Variants in MYH16 observed in about 807,000 individuals in gnomAD.
MYH16 encodes the protein myosin heavy chain 16.
Position 99,272,818 on chromosome 7 carries a change from T to G in MYH16, n.2404-524T>G, listed in dbSNP as rs570787333. Reference sequence around the variant, plus strand: ...TATTTCTTTGTGGTCATAGAATTAGTAATGAATTCCTGTTCCCATCAGCAG... The same window carrying G: ...TATTTCTTTGTGGTCATAGAATTAGGAATGAATTCCTGTTCCCATCAGCAG... On this transcript the variant is annotated intron_variant and non_coding_transcript_variant, in intron 19 of 41. Transcript: ENST00000439784. 2.6e-5 allele frequency among the ~76,000 whole-genome samples: 4 copies of G among 151,830 alleles called. No individual in the cohort carries two copies. The East Asian group carries it at 7.7e-4, about 29-fold the overall frequency.
chr7:99,283,779 C>T (rs1343626471), intron 24 of MYH16, 94 bp from the exon 7 acceptor site: 4 of 430,862 alleles, frequency 9.3e-6, no homozygotes, highest in African/African-American at 2.0e-5. Context: ...CTTCTGATGC[C>T]ACAGCTAAAG....
intron 37 of MYH16, among the ~76,000 whole-genome samples, chr7:99,299,927 T>TTTTATTTATTTATTTA (rs61663432): frequency 1.2e-4 from 17 of 138,232 alleles, no homozygotes; most frequent in South Asian, 2.3e-4. Context: ...TTTTATTTTA[T>TTTTATTTATTTATTTA]TTTATTTATT....
chr7:99,302,658 A>G (rs1006567121), intron 38 of MYH16, among the ~76,000 whole-genome samples: 16 of 152,034 alleles, frequency 1.1e-4, no homozygotes, highest in Admixed American at 1.0e-3. Flanking sequence ...AGGTGGGAGG[A>G]CTGCTTGAGG....
chr7:99,239,734 C>G (rs745702598), intron 1 of MYH16, among the ~76,000 whole-genome samples: 2 of 152,196 alleles, frequency 1.3e-5, no homozygotes, highest in Non-Finnish European at 2.9e-5. Flanking sequence ...AGCTTGCTAT[C>G]AGCCGTGATG....
chr7:99,300,324 A>T (rs1792572694), intron 37 of MYH16, among the ~76,000 whole-genome samples: 1 of 152,194 alleles, frequency 6.6e-6, no homozygotes, highest in Non-Finnish European at 1.5e-5. Flanking sequence ...AGAAATGAAG[A>T]ACACAACAAA....
At chr7:99,281,375 G>A (rs1792196641) in intron 23 of MYH16, among the ~76,000 whole-genome samples, 1 of 151,458 alleles carries the variant, frequency 6.6e-6, no homozygotes, top group Admixed American at 6.6e-5. Context: ...CGGGCAACAT[G>A]GCAAAACTCC....
At chr7:99,304,998 C>T (rs1223670013) in intron 40 of MYH16, among the ~76,000 whole-genome samples, 1 of 151,814 alleles carries the variant, frequency 6.6e-6, no homozygotes, top group Non-Finnish European at 1.5e-5. Context: ...CCAGCCGGGG[C>T]AACATAGTGA....
At chr7:99,251,242 C>A (rs1791805891) in intron 6 of MYH16, 3 of 175,750 alleles carry the variant, frequency 1.7e-5, no homozygotes, top group Admixed American at 5.9e-5. Context: ...GGGTCACGAC[C>A]CCGCCCCAGG....
At chr7:99,247,327 C>A (rs1371539830) in intron 2 of MYH16, among the ~76,000 whole-genome samples, 1 of 152,194 alleles carries the variant, frequency 6.6e-6, no homozygotes, top group Non-Finnish European at 1.5e-5. Flanking sequence ...CGTGCACCAC[C>A]ACGCCCAGCT....
chr7:99,302,603 A>G (rs1162982532), intron 38 of MYH16, among the ~76,000 whole-genome samples: 1 of 152,042 alleles, frequency 6.6e-6, no homozygotes, highest in Non-Finnish European at 1.5e-5. Context: ...AATCCTGGCC[A>G]GGCACAGTGG....
chr7:99,273,575 C>T (rs1489268756), intron 20 of MYH16, among the ~76,000 whole-genome samples, 152 bp downstream of exon 2: 1 of 152,080 alleles, frequency 6.6e-6, no homozygotes, highest in African/African-American at 2.4e-5. Flanking sequence ...TAGCCTCTGT[C>T]CAGACAGGGA....
At chr7:99,272,639 T>C (rs1792061269) in intron 19 of MYH16, among the ~76,000 whole-genome samples, 200 bp from the exon 1 acceptor site, 1 of 151,828 alleles carries the variant, frequency 6.6e-6, no homozygotes, top group Non-Finnish European at 1.5e-5. Flanking sequence ...CCCAGCTACT[T>C]TGGAGGCTGA....
At chr7:99,306,580 C>A (rs184035268) in intron 41 of MYH16, 29 bp from the exon 23 acceptor site, 1 of 152,714 alleles carries the variant, frequency 6.5e-6, no homozygotes, top group African/African-American at 2.4e-5. Flanking sequence ...CACGTTTATG[C>A]CCCGTTTCCC....
At chr7:99,269,865 CTTTTTT>C (rs983455403) in intron 18 of MYH16, among the ~76,000 whole-genome samples, 137 of 107,706 alleles carry the variant, frequency 1.3e-3, no homozygotes, top group African/African-American at 5.0e-3. Flanking sequence ...TCTGGGGACA[CTTTTTT>C]TTTTTTTTTT....
intron 29 of MYH16, 131 bp from the exon 11 acceptor site, chr7:99,289,156 C>T (rs1792331719): frequency 5.4e-6 from 1 of 184,730 alleles, no homozygotes; most frequent in Non-Finnish European, 1.2e-5. Context: ...GTTTCTGAGA[C>T]AGGGGCATAC....
rs140786503 is a variant in MYH16, at chr7:99,292,514, T to A, written n.4149+6T>A. 8.9e-4 allele frequency: 412 copies of A among 461,440 alleles called. 2 individuals carry two copies. The highest frequency in any genetic ancestry group is 7.8e-3 in the African/African-American group (394 of 50,288). The allele number at this position is 461,440 out of a possible 1,614,324, so 28.6% of individuals were successfully genotyped here. A position where few individuals can be genotyped will look rare whatever the true frequency, so the allele number is the denominator to read the frequency against. ...GAGGAGCTGGAGGAGACCAAGTGAG[T>A]GTGGTCTTCCTGTTGAGAGAGCCAG... is the stretch of plus-strand genomic sequence containing the variant. On this transcript the variant is annotated splice_donor_region_variant and intron_variant and non_coding_transcript_variant, in intron 32 of 41. Transcript: ENST00000439784.
At chr7:99,309,957 G>C (rs1284238463), downstream of MYH16, among the ~76,000 whole-genome samples, 1 of 151,996 alleles carries the variant, frequency 6.6e-6, no homozygotes, top group Non-Finnish European at 1.5e-5. Flanking sequence ...GTGAGGCAGA[G>C]GTTGCAGTGA....
intron 4 of MYH16, among the ~76,000 whole-genome samples, chr7:99,249,397 G>A (rs775043999): frequency 2.0e-4 from 31 of 151,530 alleles, no homozygotes; most frequent in Non-Finnish European, 3.7e-4. Flanking sequence ...AAATTAGCCA[G>A]GTATGGTGGT....
At chr7:99,253,626 A>C (rs182867271) in intron 7 of MYH16, 1 of 152,450 alleles carries the variant, frequency 6.6e-6, no homozygotes, top group African/African-American at 2.4e-5. Flanking sequence ...ACCACTGGTG[A>C]CTGTTCTGGG....
Sources: gnomAD v4.1 joint callset for allele counts (sites outside exome capture counted in the v4.1 genomes callset) on GRCh38, gnomAD v4.1.1 for gene constraint, MANE v1.5 for transcripts, NCBI Gene and HGNC (gene_info 2026-07-23, HGNC 2026-07-21) for gene names.